The following FN3KRP variants were observed in gnomAD, a reference collection of about 807,000 sequenced individuals.
FN3KRP encodes the protein fructosamine 3 kinase related protein.
Under a neutral mutation model 29.8 loss-of-function variants are expected in FN3KRP, and 33 were observed. The observed-to-expected ratio is 1.11, with a 90% CI of 0.84 to 1.48. The LOEUF is 1.48. FN3KRP is among the 40% of genes most tolerant of loss of function. The probability of loss-of-function intolerance (pLI) is 0.00; values close to 1 mark genes in which losing one functional copy is unlikely to be tolerated. For missense variants in FN3KRP, 430 were observed against 402.6 expected (o/e 1.07, Z -0.58); for synonymous variants, 157 against 155.2 (o/e 1.01, Z -0.09).
rs190370001 is a variant in FN3KRP, at chr17:82,724,091, G to A, written c.468+1205G>A. On this transcript the variant is annotated intron_variant, in intron 4 of 5. Coordinates refer to ENST00000269373, the MANE Select transcript of FN3KRP (RefSeq NM_024619.4). The stretch of plus-strand genomic sequence containing the variant: ...GAGGATTGCTTGAGCCCAGCAGTTC[G>A]AGACCAGCCTGGCCAACATGGTGAA... Among the ~76,000 whole-genome samples the A allele has an allele frequency of 1.3e-3, 201 of 151,636 alleles. 2 individuals are homozygous for A. The highest frequency in any genetic ancestry group is 7.4e-5 in the Non-Finnish European group (5 of 67,900).
In FN3KRP at chr17:82,718,983, C is replaced by T. The variant is rs2046779139; in HGVS notation, c.219C>T (p.Pro73=). ...LKTNTVKVPK[P]IKVLDAPGGG... is the part of the protein sequence containing the mutation. ...CAAACACGGTGAAAGTGCCCAAGCC[C>T]ATCAAGGTTCTGGATGCCCCAGGCG... The change falls in exon 2 of 6, where the codon CCC becomes CCT. Residue 73 remains proline, a synonymous_variant. Coordinates refer to ENST00000269373, the MANE Select transcript of FN3KRP (RefSeq NM_024619.4). The T allele has an allele frequency of 6.2e-7, 1 of 1,614,060 alleles. No homozygotes were observed. Among genetic ancestry groups the T allele is most frequent in the African/African-American group, 1.3e-5 (1 of 74,930 alleles).
intron 1 of FN3KRP, 92 bp from the exon 2 acceptor site, chr17:82,718,814 G>T (rs527664862): frequency 1.4e-6 from 2 of 1,461,490 alleles, no homozygotes; most frequent in Admixed American, 1.9e-5. Flanking sequence ...TTGGTTTGAA[G>T]TTGTAATGCT....
intron 4 of FN3KRP, among the ~76,000 whole-genome samples, chr17:82,726,269 A>T (rs999818711): frequency 6.6e-6 from 1 of 152,150 alleles, no homozygotes; most frequent in African/African-American, 2.4e-5. Context: ...CATGCTTCCC[A>T]CTGCTCTTGG....
chr17:82,722,150 T>C (rs2046802544), intron 3 of FN3KRP, among the ~76,000 whole-genome samples: 1 of 151,086 alleles, frequency 6.6e-6, no homozygotes, highest in South Asian at 2.1e-4. Flanking sequence ...ATGGTTTTTT[T>C]TGAGACGGAG....
At chr17:82,725,657 C>T (rs1452250747) in intron 4 of FN3KRP, among the ~76,000 whole-genome samples, 1 of 152,076 alleles carries the variant, frequency 6.6e-6, no homozygotes, top group Non-Finnish European at 1.5e-5. Flanking sequence ...CCACACCTGG[C>T]CCCCCTTTCA....
rs773096689 is a variant in FN3KRP, at chr17:82,716,804, A to T, written c.49A>T (p.Thr17Ser). ...RELGCSSVRA[T>S]GHSGGGCISQ... ...GCTGGGCTGCAGCTCTGTCAGGGCC[A>T]CGGGCCACTCGGGGGGCGGGTGCAT... is the stretch of plus-strand genomic sequence containing the variant. The change falls in exon 1 of 6, where the codon ACG (threonine) becomes TCG (serine). Residue 17 changes from threonine (T) to serine (S), a missense_variant. Transcript: ENST00000269373. 1.2e-5 allele frequency: 18 copies of T among 1,550,778 alleles called. No homozygotes were observed. In the Admixed American group the frequency reaches 3.6e-4, roughly 31 times the overall value.
intron 4 of FN3KRP, among the ~76,000 whole-genome samples, chr17:82,723,644 TGCATGTGTGTACGCGTGTGC>T (rs763743165): frequency 5.6e-4 from 85 of 152,320 alleles, no homozygotes; most frequent in Admixed American, 2.2e-3. Context: ...CACACGTGTG[TGCATGTGTGTACGCGTGTGC>T]GCGCACATGT....
Position 82,726,488 on chromosome 17 carries a change from C to G in FN3KRP, c.477C>G (p.Asp159Glu). 3 of 1,613,732 alleles carry G rather than the reference C, an allele frequency of 1.9e-6. No individual in the cohort carries two copies. Among genetic ancestry groups the G allele is most frequent in the Non-Finnish European group, 2.5e-6 (3 of 1,179,796 alleles). ...TCCGYLPQVNDWQEDWVVFYA... is the reference protein window; with the variant it reads ...TCCGYLPQVNEWQEDWVVFYA... ...TTGCTGTTACTGTGCAGGTGAATGA[C>G]TGGCAGGAGGACTGGGTCGTGTTCT... The change falls in exon 5 of 6, where the codon GAC becomes GAG. Residue 159 changes from aspartate (D) to glutamate (E), a missense_variant. By Grantham distance (45) the Asp-to-Glu change is conservative. Coordinates refer to ENST00000269373, the MANE Select transcript of FN3KRP (RefSeq NM_024619.4).
chr17:82,726,947 G>C lies in FN3KRP; in HGVS notation c.706G>C (p.Ala236Pro), dbSNP rs778487608. Residue 236 changes from alanine (A) to proline (P), a missense_variant, in exon 6 of 6, where the codon GCT (alanine) becomes CCT (proline). By Grantham distance (27) the Ala-to-Pro change is conservative. Coordinates refer to ENST00000269373, the MANE Select transcript of FN3KRP (RefSeq NM_024619.4). ...CTCTGGGCCGGTGATTTTTGACCCAGCTTCTTTCTACGGCCACTCGGAATA... is the reference window on the plus strand; with the variant it reads ...CTCTGGGCCGGTGATTTTTGACCCACCTTCTTTCTACGGCCACTCGGAATA... ...DSSGPVIFDPASFYGHSEYEL... is the reference protein window; with the variant it reads ...DSSGPVIFDPPSFYGHSEYEL... 9.3e-6 allele frequency: 15 copies of C among 1,613,394 alleles called. No homozygotes were observed. The highest frequency in any genetic ancestry group is 1.3e-5 in the Non-Finnish European group (15 of 1,179,684).
At chr17:82,719,359 C>T (rs565828430) in intron 2 of FN3KRP, among the ~76,000 whole-genome samples, 5 of 152,226 alleles carry the variant, frequency 3.3e-5, no homozygotes, top group Non-Finnish European at 7.3e-5. Context: ...GCAAAGAACC[C>T]GTGACTCCAC....
At chr17:82,723,612 T>C (rs572232493) in intron 4 of FN3KRP, among the ~76,000 whole-genome samples, 4,631 of 152,100 alleles carry the variant, frequency 0.03, 77 homozygotes, top group South Asian at 0.07. Context: ...TGTGCACGCA[T>C]GTGTGCATAT....
intron 2 of FN3KRP, among the ~76,000 whole-genome samples, chr17:82,719,426 C>G (rs958097739): frequency 6.6e-6 from 1 of 152,378 alleles, no homozygotes; most frequent in East Asian, 1.9e-4. Context: ...AGGGCAGAAG[C>G]AAGAGGAATC....
chr17:82,726,049 G>A (rs575867397), intron 4 of FN3KRP, among the ~76,000 whole-genome samples: 15 of 152,252 alleles, frequency 9.9e-5, no homozygotes, highest in Admixed American at 9.2e-4. Flanking sequence ...GCGTGGTGGT[G>A]CATGCTTGTA....
chr17:82,726,651 G>A (rs1488749425), intron 5 of FN3KRP, 49 bp downstream of exon 5: 21 of 1,577,478 alleles, frequency 1.3e-5, no homozygotes, highest in Admixed American at 1.8e-5. Flanking sequence ...CACCCCACTT[G>A]CCTGAGGTAG....
rs745873900 is a variant in FN3KRP at position 82,716,855 on chromosome 17, G to C, written c.100G>C (p.Asp34His). Reference sequence around the variant, plus strand: ...CAGCCAGGGCCGGAGCTACGACACGGATCAAGGACGAGTGTTCGTGAAAGT... The same window carrying C: ...CAGCCAGGGCCGGAGCTACGACACGCATCAAGGACGAGTGTTCGTGAAAGT... ...CISQGRSYDT[D>H]QGRVFVKVNP... Residue 34 changes from aspartate to histidine, a missense_variant, in exon 1 of 6, where the codon GAT becomes CAT. By Grantham distance (81) the Asp-to-His change is moderately conservative. Transcript: ENST00000269373. 4 of 1,566,840 alleles carry C rather than the reference G, an allele frequency of 2.6e-6. No homozygotes were observed. The South Asian group carries it at 3.5e-5, about 14-fold the overall frequency.
In FN3KRP at chr17:82,727,483, G is replaced by A. The variant is rs2046847046; in HGVS notation, c.*312G>A. On this transcript the variant is annotated 3_prime_UTR_variant, in exon 6 of 6. Transcript: ENST00000269373. ...GTAAGTGAACCCCTGTGGGTGCGGG[G>A]GAGGGTATCCGGTGCGCAGGGAGGT... 3 of 270,296 alleles carry A rather than the reference G, an allele frequency of 1.1e-5. No individual in the cohort carries two copies. The South Asian group carries it at 2.3e-4, about 21-fold the overall frequency. The allele number at this position is 270,296 out of a possible 1,614,324, so 16.7% of individuals were successfully genotyped here.
rs141661016 is a variant in FN3KRP, at chr17:82,727,096, C to T, written c.855C>T (p.Tyr285=). Residue 285 remains tyrosine, a synonymous_variant, in exon 6 of 6, where the codon TAC becomes TAT. Coordinates refer to ENST00000269373, the MANE Select transcript of FN3KRP (RefSeq NM_024619.4). ...KRLQLYQLFH[Y]LNHWNHFGSG... Reference sequence around the variant, plus strand: ...TTCAGTTGTATCAGCTCTTTCACTACTTGAACCACTGGAATCATTTTGGAT... The same window carrying T: ...TTCAGTTGTATCAGCTCTTTCACTATTTGAACCACTGGAATCATTTTGGAT... The T allele has an allele frequency of 5.0e-6, 8 of 1,614,210 alleles. No individual in the cohort carries two copies. The highest frequency in any genetic ancestry group is 1.1e-5 in the South Asian group (1 of 91,090).
chr17:82,721,794 G>A (rs2046800255), intron 3 of FN3KRP, among the ~76,000 whole-genome samples: 1 of 151,742 alleles, frequency 6.6e-6, no homozygotes, highest in African/African-American at 2.4e-5. Flanking sequence ...GAGCTACTGG[G>A]CCTGGCCTGT....
At chr17:82,723,801 C>G (rs1309232794) in intron 4 of FN3KRP, among the ~76,000 whole-genome samples, 6 of 151,908 alleles carry the variant, frequency 3.9e-5, no homozygotes, top group Non-Finnish European at 5.9e-5. Context: ...CCTGGATGTC[C>G]TTTCTCGGGG....
Sources: gnomAD v4.1 joint callset for allele counts (sites outside exome capture counted in the v4.1 genomes callset) on GRCh38, gnomAD v4.1.1 for gene constraint, MANE v1.5 for transcripts, NCBI Gene and HGNC (gene_info 2026-07-23, HGNC 2026-07-21) for gene names.